CCDC3: variants seen among roughly 807,000 people sequenced by gnomAD.
CCDC3 encodes coiled-coil domain-containing protein 3.
CCDC3 carries 24 observed loss-of-function variants against 21.4 expected under a neutral mutation model. The ratio of observed to expected loss-of-function variants is 1.12; its 90% CI spans 0.81 to 1.58. The LOEUF is 1.58. Ranked by LOEUF, CCDC3 falls within the 40% of genes most tolerant of loss-of-function variation. CCDC3 has a pLI of 0.00. For missense variants in CCDC3, 425 were observed against 360.9 expected (o/e 1.18, Z -1.44); for synonymous variants, 186 against 166.0 (o/e 1.12, Z -0.93).
At position 13,090,060 on chromosome 10, in the gene CCDC3, T is replaced by G. The variant is rs866916498; in HGVS notation, c.-503+8465A>C. 4.1e-3 allele frequency among the ~76,000 whole-genome samples: 573 copies of G among 138,924 alleles called. 31 individuals carry two copies. Among genetic ancestry groups the G allele is most frequent in the African/African-American group, 0.014 (498 of 34,702 alleles). The allele number at this position is 138,924 out of a possible 152,430, so 91.1% of individuals were successfully genotyped here. The stretch of plus-strand genomic sequence containing the variant: ...ATATATATATATATATATATATATA[T>G]ATATATATATATATATATCACCGTT... On this transcript the variant is annotated intron_variant, in intron 3 of 6. Transcript: ENST00000378839.
intron 2 of CCDC3, among the ~76,000 whole-genome samples, chr10:12,908,621 T>TTTC (rs1200846549): frequency 6.6e-6 from 1 of 151,618 alleles, no homozygotes; most frequent in East Asian, 1.9e-4. Flanking sequence ...TCTTTTTTTT[T>TTTC]TTTTTTGAGA....
intron 3 of CCDC3, among the ~76,000 whole-genome samples, chr10:13,098,374 T>C (rs967444431): frequency 4.0e-5 from 6 of 151,580 alleles, no homozygotes; most frequent in African/African-American, 1.5e-4. Context: ...AGTGCAGTGC[T>C]GCAATCACAG....
At chr10:13,076,085 A>C (rs940534233) in intron 3 of CCDC3, among the ~76,000 whole-genome samples, 2 of 152,012 alleles carry the variant, frequency 1.3e-5, no homozygotes, top group Non-Finnish European at 2.9e-5. Context: ...AAAAAAACCT[A>C]AAATAATAGG....
intron 2 of CCDC3, among the ~76,000 whole-genome samples, chr10:12,979,130 T>G (rs1304846178): frequency 6.6e-6 from 1 of 152,082 alleles, no homozygotes; most frequent in East Asian, 1.9e-4. Context: ...TACATATCCC[T>G]CTCTATAAAC....
At chr10:13,004,929 G>A (rs1316926333), upstream of CCDC3, among the ~76,000 whole-genome samples, 1 of 152,038 alleles carries the variant, frequency 6.6e-6, no homozygotes, top group Non-Finnish European at 1.5e-5. Context: ...ATTCACATGG[G>A]TCACAAATAT....
At chr10:13,017,935 A>G (rs1836091236) in intron 5 of CCDC3, among the ~76,000 whole-genome samples, 1 of 152,056 alleles carries the variant, frequency 6.6e-6, no homozygotes, top group Admixed American at 6.5e-5. Flanking sequence ...TTAAATGTCC[A>G]TGTAACTAAC....
intron 2 of CCDC3, among the ~76,000 whole-genome samples, chr10:12,964,239 G>A (rs1444744825): frequency 6.6e-6 from 1 of 152,036 alleles, no homozygotes; most frequent in African/African-American, 2.4e-5. Flanking sequence ...GGGCATGGTG[G>A]TGCATGCCTG....
At position 12,900,554 on chromosome 10, in the gene CCDC3, C is replaced by G. The variant is rs1018240603; in HGVS notation, c.550-1875G>C. The stretch of plus-strand genomic sequence containing the variant: ...AAAAAAAAAAAAAAAAGCCGGGCGT[C>G]GTGGCGGGTGCCTGTAGTCCCAGCT... On this transcript the variant is annotated intron_variant, in intron 2 of 2. Coordinates refer to ENST00000378825, the MANE Select transcript of CCDC3 (RefSeq NM_031455.4). 7.5e-5 allele frequency among the ~76,000 whole-genome samples: 11 copies of G among 146,070 alleles called. No homozygotes were observed. In the East Asian group the frequency reaches 8.1e-4, roughly 11 times the overall value.
Position 13,082,267 on chromosome 10 carries a change from G to T in CCDC3, c.-502-8167C>A, listed in dbSNP as rs1315543760. Among the ~76,000 whole-genome samples the T allele has an allele frequency of 5.3e-5, 8 of 152,232 alleles. 1 individual carries two copies. The highest frequency in any genetic ancestry group is 1.9e-4 in the African/African-American group (8 of 41,452). On this transcript the variant is annotated intron_variant, in intron 3 of 6. Transcript: ENST00000378839. ...TGAGCCATCTCCAATGATAGGTAAG[G>T]TCACGTGGGTCACATGTCCACTGGA...
intron 2 of CCDC3, among the ~76,000 whole-genome samples, chr10:12,948,188 T>A (rs1056859697): frequency 1.3e-5 from 2 of 152,128 alleles, no homozygotes; most frequent in African/African-American, 4.8e-5. Context: ...CTGCACACAC[T>A]CTCTTGCCTG....
intron 3 of CCDC3, among the ~76,000 whole-genome samples, chr10:13,084,971 A>C (rs1837085573): frequency 6.6e-6 from 1 of 152,204 alleles, no homozygotes; most frequent in African/African-American, 2.4e-5. Flanking sequence ...CATACAAAAA[A>C]GTTTTAAATC....
chr10:12,956,048 C>A (rs1466397057), intron 2 of CCDC3, among the ~76,000 whole-genome samples: 1 of 151,990 alleles, frequency 6.6e-6, no homozygotes, highest in African/African-American at 2.4e-5. Context: ...CTATGTTGCC[C>A]AGGCTGGTCT....
chr10:13,038,881 G>T (rs1836413241), intron 5 of CCDC3, among the ~76,000 whole-genome samples: 1 of 152,178 alleles, frequency 6.6e-6, no homozygotes, highest in Non-Finnish European at 1.5e-5. Context: ...TCTCCTTGTG[G>T]CTACATCTTG....
intron 3 of CCDC3, among the ~76,000 whole-genome samples, chr10:13,081,182 A>G (rs2131447283): frequency 6.8e-6 from 1 of 147,178 alleles, no homozygotes; most frequent in Admixed American, 6.7e-5. Context: ...AAAAAAAAAA[A>G]TACCTATAGG....
chr10:13,028,404 G>T (rs1353274080), intron 5 of CCDC3, among the ~76,000 whole-genome samples: 1 of 152,042 alleles, frequency 6.6e-6, no homozygotes, highest in Admixed American at 6.6e-5. Context: ...ACCCAATCTT[G>T]GGTATGTATT....
chr10:12,935,871 G>A (rs1834729441), intron 2 of CCDC3, among the ~76,000 whole-genome samples: 1 of 152,140 alleles, frequency 6.6e-6, no homozygotes, highest in Admixed American at 6.5e-5. Flanking sequence ...CTGCTTCACA[G>A]GTGGTACAAG....
At chr10:12,947,808 T>C (rs1474839946) in intron 2 of CCDC3, among the ~76,000 whole-genome samples, 1 of 152,216 alleles carries the variant, frequency 6.6e-6, no homozygotes, top group Non-Finnish European at 1.5e-5. Context: ...TTCCTTTAAG[T>C]CCTTACCAAC....
At chr10:12,985,469 T>C (rs1000459865) in intron 2 of CCDC3, among the ~76,000 whole-genome samples, 1 of 152,222 alleles carries the variant, frequency 6.6e-6, no homozygotes, top group Admixed American at 6.5e-5. Context: ...CACAACACTC[T>C]GTACGTGAAT....
chr10:13,082,442 A>T (rs1379612095), intron 3 of CCDC3, among the ~76,000 whole-genome samples: 1 of 152,224 alleles, frequency 6.6e-6, no homozygotes, highest in Non-Finnish European at 1.5e-5. Context: ...TGGAACATGA[A>T]AGTGGACCAG....
Sources: gnomAD v4.1 joint callset for allele counts (sites outside exome capture counted in the v4.1 genomes callset) on GRCh38, gnomAD v4.1.1 for gene constraint, MANE v1.5 for transcripts, NCBI Gene and HGNC (gene_info 2026-07-23, HGNC 2026-07-21) for gene names.